Variants in SUGCT observed in about 807,000 individuals in gnomAD.
SUGCT encodes succinyl-CoA:glutarate CoA-transferase.
SUGCT carries 41 observed loss-of-function variants against 55.0 expected under a neutral mutation model. The observed-to-expected ratio is 0.74, with a 90% CI of 0.58 to 0.97. SUGCT has a LOEUF of 0.97. Ranked by LOEUF, SUGCT falls within the 50% of genes least tolerant of loss-of-function variation. The pLI is 0.00. For missense variants in SUGCT, 568 were observed against 547.8 expected, an observed-to-expected ratio of 1.04 and a Z score of -0.37; for synonymous variants, 187 against 200.4, an observed-to-expected ratio of 0.93 and a Z score of 0.56.
chr7:40,859,308 A>G (rs1015886680), intron 13 of SUGCT, among the ~76,000 whole-genome samples: 5 of 152,176 alleles, frequency 3.3e-5, no homozygotes, highest in Admixed American at 2.6e-4. Flanking sequence ...GATGTTATGG[A>G]AAGTTCATGG....
At chr7:40,746,951 T>C (rs1270270580) in intron 12 of SUGCT, among the ~76,000 whole-genome samples, 1 of 152,172 alleles carries the variant, frequency 6.6e-6, no homozygotes. Flanking sequence ...TGCAGATAAT[T>C]GTTTTGAGTG....
intron 12 of SUGCT, among the ~76,000 whole-genome samples, chr7:40,593,492 G>T (rs1037008517): frequency 5.3e-5 from 8 of 152,094 alleles, no homozygotes; most frequent in Non-Finnish European, 1.0e-4. Context: ...GAAAGTTTGA[G>T]AACACTCTAA....
At chr7:40,293,225 G>A (rs1793900237) in intron 8 of SUGCT, among the ~76,000 whole-genome samples, 1 of 152,060 alleles carries the variant, frequency 6.6e-6, no homozygotes, top group Non-Finnish European at 1.5e-5. Context: ...TAACCATTTT[G>A]TTGTTGTTGC....
At chr7:40,842,337 A>C (rs927890128) in intron 13 of SUGCT, among the ~76,000 whole-genome samples, 3 of 152,164 alleles carry the variant, frequency 2.0e-5, no homozygotes, top group African/African-American at 7.2e-5. Flanking sequence ...AACAAAAAAT[A>C]TGTTCTTCCA....
At chr7:40,734,187 T>A (rs1787040231) in intron 12 of SUGCT, among the ~76,000 whole-genome samples, 1 of 152,206 alleles carries the variant, frequency 6.6e-6, no homozygotes, top group Non-Finnish European at 1.5e-5. Context: ...AGACAGCACT[T>A]GCACCAGCAG....
At chr7:40,800,286 CTTTT>C (rs11307043) in intron 13 of SUGCT, among the ~76,000 whole-genome samples, 2 of 124,640 alleles carry the variant, frequency 1.6e-5, no homozygotes, top group Non-Finnish European at 3.4e-5. Context: ...GTATTCATGA[CTTTT>C]TTTTTTTTTT....
chr7:40,139,848 T>A (rs1381260108), intron 1 of SUGCT, among the ~76,000 whole-genome samples: 1 of 152,160 alleles, frequency 6.6e-6, no homozygotes, highest in South Asian at 2.1e-4. Context: ...TTCTTCAGTA[T>A]TTTTAGAGTT....
At chr7:40,211,106 C>T (rs1787309009) in intron 6 of SUGCT, among the ~76,000 whole-genome samples, 2 of 151,586 alleles carry the variant, frequency 1.3e-5, no homozygotes. Context: ...TCTCGAGTAG[C>T]TGGTATTACA....
At chr7:40,976,801 G>T in the SUGCT span, among the ~76,000 whole-genome samples, 9 of 152,162 alleles carry the variant, frequency 5.9e-5, no homozygotes, top group African/African-American at 1.4e-4. Flanking sequence ...GACCCCAAAG[G>T]TTTAAAGCAA....
intron 1 of SUGCT, among the ~76,000 whole-genome samples, chr7:40,159,385 G>A (rs1584217055): frequency 6.6e-6 from 1 of 151,912 alleles, no homozygotes; most frequent in East Asian, 1.9e-4. Flanking sequence ...TTGTTTGTTT[G>A]TTTTGAGACT....
intron 9 of SUGCT, among the ~76,000 whole-genome samples, chr7:40,392,534 T>C (rs927204460): frequency 2.0e-5 from 3 of 152,022 alleles, no homozygotes; most frequent in African/African-American, 7.2e-5. Flanking sequence ...ACTACAAATA[T>C]CAAGTGAGGT....
At chr7:40,456,124 C>T (rs1789472777) in intron 10 of SUGCT, among the ~76,000 whole-genome samples, 1 of 152,068 alleles carries the variant, frequency 6.6e-6, no homozygotes, top group South Asian at 2.1e-4. Flanking sequence ...CTCCTGGGTT[C>T]AAGTGATTCT....
chr7:40,896,584 T>C, the SUGCT span, among the ~76,000 whole-genome samples: 3 of 152,136 alleles, frequency 2.0e-5, no homozygotes, highest in Admixed American at 1.3e-4. Flanking sequence ...AAAGGGCTTT[T>C]CCCCTTTTGC....
chr7:40,608,313 A>C (rs1407304406), intron 12 of SUGCT, among the ~76,000 whole-genome samples: 3 of 152,190 alleles, frequency 2.0e-5, no homozygotes, highest in Non-Finnish European at 4.4e-5. Flanking sequence ...GGCAATACTT[A>C]AACATTTAAC....
chr7:40,759,919 T>G (rs1278404653), intron 13 of SUGCT, among the ~76,000 whole-genome samples: 1 of 152,056 alleles, frequency 6.6e-6, no homozygotes, highest in Non-Finnish European at 1.5e-5. Context: ...AGAAAATGTA[T>G]TGTTAGGCCA....
chr7:40,520,366 A>G (rs1308502695), intron 12 of SUGCT, among the ~76,000 whole-genome samples: 6 of 152,086 alleles, frequency 3.9e-5, no homozygotes, highest in Non-Finnish European at 7.4e-5. Flanking sequence ...TTGGTCAGAA[A>G]ATCTGGCTTT....
chr7:40,275,344 G>GT (rs531087594), intron 8 of SUGCT, among the ~76,000 whole-genome samples: 16 of 152,182 alleles, frequency 1.1e-4, no homozygotes, highest in Admixed American at 5.9e-4. Flanking sequence ...TTGCAATTGT[G>GT]TTTTTGAACA....
intron 1 of SUGCT, chr7:40,152,649 C>T (rs1788635030): frequency 5.4e-6 from 1 of 184,944 alleles, no homozygotes; most frequent in African/African-American, 2.4e-5. Flanking sequence ...ATTTTGAAGA[C>T]TTGGCTGGAA....
intron 13 of SUGCT, among the ~76,000 whole-genome samples, chr7:40,776,864 G>C (rs1789479221): frequency 6.6e-6 from 1 of 152,246 alleles, no homozygotes; most frequent in Middle Eastern, 3.4e-3. Context: ...CTGGGACAGG[G>C]CCCTACCAGT....
Sources: allele counts gnomAD v4.1 joint callset (sites outside exome capture counted in the v4.1 genomes callset), GRCh38; gene constraint gnomAD v4.1.1; transcripts MANE v1.5; gene names NCBI Gene and HGNC (gene_info 2026-07-23, HGNC 2026-07-21).